ATG2B: variants seen among roughly 807,000 people sequenced by gnomAD.
ATG2B encodes autophagy-related protein 2 homolog B.
In ATG2B, 121 loss-of-function variants were observed where a neutral mutation model predicts 241.3. That is an observed-to-expected ratio of 0.50 (90% CI 0.43 to 0.58). ATG2B has a LOEUF of 0.58. ATG2B is among the 20% of genes least tolerant of loss of function. The pLI is 0.00. For missense variants in ATG2B, 2,306 were observed against 2,491.6 expected, an observed-to-expected ratio of 0.93 and a Z score of 1.59; for synonymous variants, 858 against 876.6, an observed-to-expected ratio of 0.98 and a Z score of 0.37.
At chr14:96,332,473 C>T in intron 9 of ATG2B, 28 bp downstream of exon 9, 2 of 1,611,316 alleles carry the variant, frequency 1.2e-6, no homozygotes, top group Non-Finnish European at 1.7e-6. Flanking sequence ...ACTTTTCAGT[C>T]TAGAAGAAAA....
Position 96,322,562 on chromosome 14 carries a change from C to G in ATG2B, c.2714G>C (p.Arg905Thr). 1.2e-6 allele frequency: 2 copies of G among 1,612,030 alleles called. No homozygotes were observed. The highest frequency in any genetic ancestry group is 1.7e-6 in the Non-Finnish European group (2 of 1,179,420). Residue 905 changes from arginine to threonine, a missense_variant, in exon 17 of 42, where the codon AGA becomes ACA. Arg to Thr is a moderately conservative substitution (Grantham distance 71, BLOSUM62 -1). Around this residue, in one of 2 missense-constraint regions of ATG2B, gnomAD observed 1,927 missense variants for 2,011.2 expected, o/e 0.96. Transcript: ENST00000359933. Reference sequence around the variant, plus strand: ...TACCTGTTCATTTTCAAACATTACTCTACGAGAAGAAAAAGGAGATGGGGC... The same window carrying G: ...TACCTGTTCATTTTCAAACATTACTGTACGAGAAGAAAAAGGAGATGGGGC... Reference protein sequence around the residue: ...RPAPSPFSSRRVMFENEQMVM... With the variant: ...RPAPSPFSSRTVMFENEQMVM...
chr14:96,325,939 C>CA lies in ATG2B; in HGVS notation c.2164-18dup, dbSNP rs768270173. ...AGCCTTGTGCTAAAACACAAAACAT[C>CA]AAAAATATGCCAAAATATTAAAGTA... On this transcript the variant is annotated splice_polypyrimidine_tract_variant and intron_variant, in intron 14 of 41. Coordinates refer to ENST00000359933, the MANE Select transcript of ATG2B (RefSeq NM_018036.7). 1.9e-6 allele frequency: 3 copies of CA among 1,603,550 alleles called. No homozygotes were observed. Among genetic ancestry groups the CA allele is most frequent in the South Asian group, 1.1e-5 (1 of 89,594 alleles).
In ATG2B at chr14:96,285,707, A is replaced by G; in HGVS notation, c.*48T>C. On this transcript the variant is annotated 3_prime_UTR_variant, in exon 42 of 42. Transcript: ENST00000359933. The surrounding 1 kb of genome is among the most constrained non-coding windows in gnomAD (Gnocchi z 4.2). ...CTCTGAAGCTGCTGTCAGGACTCTG[A>G]GCTCCTGGTTCCACTCTCCTTATCT... The G allele has an allele frequency of 6.4e-7, 1 of 1,560,900 alleles. No homozygotes were observed. Among genetic ancestry groups the G allele is most frequent in the East Asian group, 2.3e-5 (1 of 44,252 alleles).
chr14:96,342,370 A>T (rs1888060229), intron 5 of ATG2B, among the ~76,000 whole-genome samples: 1 of 152,150 alleles, frequency 6.6e-6, no homozygotes, highest in Non-Finnish European at 1.5e-5. Flanking sequence ...TTTCATGCAC[A>T]AAATTATTGA....
At chr14:96,299,345 AGGCAT>A (rs1303940578) in intron 34 of ATG2B, among the ~76,000 whole-genome samples, 1 of 152,202 alleles carries the variant, frequency 6.6e-6, no homozygotes, top group Non-Finnish European at 1.5e-5. Context: ...TCTTCTGGTC[AGGCAT>A]ACCATCCCAT....
rs78754970 is a variant in ATG2B at position 96,334,510 on chromosome 14, A to G, written c.925-9T>C. On this transcript the variant is annotated splice_polypyrimidine_tract_variant and intron_variant, in intron 6 of 41. Coordinates refer to ENST00000359933, the MANE Select transcript of ATG2B (RefSeq NM_018036.7). ...TGTCCATCAACATCCAACTTAAGGG[A>G]AAAAAAAAAACTATTCATGAGGAGT... The G allele has an allele frequency of 3.2e-5, 32 of 1,012,242 alleles. No homozygotes were observed. Among genetic ancestry groups the G allele is most frequent in the East Asian group, 1.8e-4 (5 of 28,228 alleles). The allele number at this position is 1,012,242 out of a possible 1,614,324, so 62.7% of individuals were successfully genotyped here.
chr14:96,290,989 G>T lies in ATG2B; in HGVS notation c.5580-54C>A. On this transcript the variant is annotated intron_variant, in intron 38 of 41. Coordinates refer to ENST00000359933, the MANE Select transcript of ATG2B (RefSeq NM_018036.7). This position sits in a 1 kb window ranked among gnomAD's most constrained non-coding sequence, Gnocchi z 4.4. ...AAGGAGAAATACATTTATAGACACAGATTAGTTTGAGGGTTTTTTTTTACT... is the reference window on the plus strand; with the variant it reads ...AAGGAGAAATACATTTATAGACACATATTAGTTTGAGGGTTTTTTTTTACT... The T allele has an allele frequency of 6.9e-7, 1 of 1,453,330 alleles. No individual in the cohort carries two copies. Among genetic ancestry groups the T allele is most frequent in the South Asian group, 1.5e-5 (1 of 67,696 alleles). 90.0% of individuals were successfully genotyped at this position (1,453,330 alleles called of 1,614,324 possible).
At position 96,281,176 on chromosome 14, in the gene ATG2B, C is replaced by A. The variant is rs976311644; in HGVS notation, c.*4579G>T. The stretch of plus-strand genomic sequence containing the variant: ...CATTTCCCAATAACAAGGTCTGAGG[C>A]AGATGTACACCCCACCCCAATAAGT... On this transcript the variant is annotated 3_prime_UTR_variant, in exon 42 of 42. Transcript: ENST00000359933. The A allele has an allele frequency of 7.2e-5, 11 of 152,110 alleles. No homozygotes were observed. The highest frequency in any genetic ancestry group is 2.7e-4 in the African/African-American group (11 of 41,436). The allele number at this position is 152,110 out of a possible 1,614,324, so 9.4% of individuals were successfully genotyped here.
Position 96,303,274 on chromosome 14 carries a change from A to C in ATG2B, c.4843-19T>G. The stretch of plus-strand genomic sequence containing the variant: ...ACTTCACCTTAACGGGTAAGGAGGA[A>C]GAACGCGGAACAGTTCTTTACATTC... On this transcript the variant is annotated intron_variant, in intron 32 of 41. Transcript: ENST00000359933. 6.5e-7 allele frequency: 1 copy of C among 1,527,200 alleles called. No individual in the cohort carries two copies. Among genetic ancestry groups the C allele is most frequent in the African/African-American group, 1.4e-5 (1 of 71,566 alleles). 94.6% of individuals were successfully genotyped at this position (1,527,200 alleles called of 1,614,324 possible). A position where few individuals can be genotyped will look rare whatever the true frequency, so the allele number is the denominator to read the frequency against.
intron 34 of ATG2B, among the ~76,000 whole-genome samples, chr14:96,296,958 A>AT (rs1426874664): frequency 8.5e-5 from 13 of 152,166 alleles, no homozygotes; most frequent in African/African-American, 2.9e-4. Context: ...GGTAACATGC[A>AT]TATGGGAGAC....
At chr14:96,299,090 T>C (rs998794175) in intron 34 of ATG2B, among the ~76,000 whole-genome samples, 1 of 152,200 alleles carries the variant, frequency 6.6e-6, no homozygotes, top group South Asian at 2.1e-4. Context: ...AACACAATTG[T>C]GCAAACTGGT....
intron 2 of ATG2B, among the ~76,000 whole-genome samples, chr14:96,346,482 C>T (rs72704895): frequency 0.064 from 9,691 of 152,166 alleles, 476 homozygotes; most frequent in Non-Finnish European, 0.098. Context: ...TCCATGCATG[C>T]ATAATCGGTT....
intron 29 of ATG2B, among the ~76,000 whole-genome samples, chr14:96,308,930 G>A: frequency 6.6e-6 from 1 of 152,114 alleles, no homozygotes; most frequent in East Asian, 1.9e-4. Flanking sequence ...TTTTGTTTCA[G>A]TAAGAACCCG....
At chr14:96,324,253 A>G (rs1206479095) in intron 15 of ATG2B, 1 of 390,502 alleles carries the variant, frequency 2.6e-6, no homozygotes, top group Non-Finnish European at 4.5e-6. Flanking sequence ...TAGTAAATAG[A>G]GCAAGCACTT....
At chr14:96,295,778 C>T (rs994015044) in intron 34 of ATG2B, among the ~76,000 whole-genome samples, 4 of 147,512 alleles carry the variant, frequency 2.7e-5, no homozygotes, top group African/African-American at 1.0e-4. Context: ...TTTTAATTCT[C>T]ATAACTTTAT....
intron 23 of ATG2B, among the ~76,000 whole-genome samples, chr14:96,314,851 C>T (rs992032549): frequency 1.3e-5 from 2 of 152,224 alleles, no homozygotes; most frequent in African/African-American, 4.8e-5. Flanking sequence ...CAGGTGCATT[C>T]CACCACGCCC....
Position 96,284,224 on chromosome 14 carries a change from A to G in ATG2B, c.*1531T>C, listed in dbSNP as rs1318749744. ...GCCTTCCTGTTAGTGTGTCGCCAGG[A>G]CCAGGCTCTACCCGAATAAGAGATG... is the stretch of plus-strand genomic sequence containing the variant. On this transcript the variant is annotated 3_prime_UTR_variant, in exon 42 of 42. Coordinates refer to ENST00000359933, the MANE Select transcript of ATG2B (RefSeq NM_018036.7). 1 of 152,214 alleles carries G rather than the reference A, an allele frequency of 6.6e-6. No homozygotes were observed. The highest frequency in any genetic ancestry group is 1.5e-5 in the Non-Finnish European group (1 of 68,036). 9.4% of individuals were successfully genotyped at this position (152,214 alleles called of 1,614,324 possible). A position where few individuals can be genotyped will look rare whatever the true frequency, so the allele number is the denominator to read the frequency against.
chr14:96,314,568 C>T (rs1056215399), intron 23 of ATG2B, among the ~76,000 whole-genome samples: 1 of 149,062 alleles, frequency 6.7e-6, no homozygotes, highest in African/African-American at 2.4e-5. Context: ...GATACAGAGT[C>T]CCTTCCCTTC....
At chr14:96,355,882 C>T (rs1174257477) in intron 1 of ATG2B, among the ~76,000 whole-genome samples, 1 of 152,100 alleles carries the variant, frequency 6.6e-6, no homozygotes, top group African/African-American at 2.4e-5. Context: ...TAAAAACGCG[C>T]ATGAGCTGGC....
Sources: gnomAD v4.1 joint callset for allele counts (sites outside exome capture counted in the v4.1 genomes callset) on GRCh38, gnomAD v4.1.1 for gene constraint, gnomAD v4.1.1 regional missense constraint, Gnocchi (gnomAD v3.1) non-coding constraint, MANE v1.5 for transcripts, NCBI Gene and HGNC (gene_info 2026-07-23, HGNC 2026-07-21) for gene names.